Variants in MICU2 observed in about 807,000 individuals in gnomAD.
MICU2 encodes calcium uptake protein 2, mitochondrial.
Under a neutral mutation model 60.4 loss-of-function variants are expected in MICU2, and 64 were observed. The observed-to-expected ratio is 1.06, with a 90% confidence interval of 0.87 to 1.31. The LOEUF is 1.31. Among genes scored for constraint, MICU2 ranks in the 50% most tolerant of loss-of-function variants. MICU2 has a pLI of 0.00. For synonymous variants in MICU2, 201 were observed against 175.0 expected (o/e 1.15, Z -1.17); for missense variants, 569 against 531.0 (o/e 1.07, Z -0.70).
At chr13:21,517,803 G>GTA (rs1886615431) in intron 6 of MICU2, among the ~76,000 whole-genome samples, 2 of 74,978 alleles carry the variant, frequency 2.7e-5, no homozygotes, top group Non-Finnish European at 6.6e-5. Context: ...ACACACACGC[G>GTA]CGCGCGCGCG....
intron 11 of MICU2, among the ~76,000 whole-genome samples, chr13:21,493,638 C>A (rs771520549): frequency 6.6e-6 from 1 of 152,134 alleles, no homozygotes; most frequent in Non-Finnish European, 1.5e-5. Context: ...TCTCTTCTTT[C>A]ACATACTGGC....
chr13:21,521,911 G>T (rs181159291), intron 5 of MICU2, among the ~76,000 whole-genome samples: 249 of 152,216 alleles, frequency 1.6e-3, no homozygotes, highest in African/African-American at 5.7e-3. Context: ...ACAAGTAGTT[G>T]CGACTACAGG....
rs144620176 is a variant in MICU2 at position 21,577,708 on chromosome 13, G to A, written c.211-10764C>T. 5.1e-3 allele frequency among the ~76,000 whole-genome samples: 766 copies of A among 151,636 alleles called. 5 individuals carry two copies. Among genetic ancestry groups the A allele is most frequent in the African/African-American group, 0.017 (721 of 41,260 alleles). On this transcript the variant is annotated intron_variant, in intron 1 of 11. Transcript: ENST00000382374. ...TAATCCCAGCTACTTGGGAGGCTGAGGTGGAAGAATTGCTTGAACCCGGGA... is the reference window on the plus strand; with the variant it reads ...TAATCCCAGCTACTTGGGAGGCTGAAGTGGAAGAATTGCTTGAACCCGGGA...
chr13:21,550,877 A>G (rs111530546), intron 2 of MICU2, among the ~76,000 whole-genome samples: 2 of 152,208 alleles, frequency 1.3e-5, no homozygotes, highest in South Asian at 2.1e-4. Context: ...CACAGACACA[A>G]TACTACTAAG....
At chr13:21,593,819 G>A (rs1310527277) in intron 1 of MICU2, among the ~76,000 whole-genome samples, 2 of 152,126 alleles carry the variant, frequency 1.3e-5, no homozygotes, top group African/African-American at 4.8e-5. Flanking sequence ...TGGGAAAACT[G>A]GCTAGCCATA....
At chr13:21,531,308 A>G in intron 4 of MICU2, 1 of 1,572,762 alleles carries the variant, frequency 6.4e-7, no homozygotes, top group African/African-American at 1.4e-5. Context: ...ATGACTCACC[A>G]ACAAATGTAC....
At chr13:21,509,823 A>T (rs1220150666) in intron 8 of MICU2, among the ~76,000 whole-genome samples, 181 bp downstream of exon 8, 1 of 152,250 alleles carries the variant, frequency 6.6e-6, no homozygotes, top group Non-Finnish European at 1.5e-5. Flanking sequence ...TTTTGAGCAT[A>T]CTAATTTTAG....
chr13:21,568,018 A>G (rs1888024182), intron 1 of MICU2, among the ~76,000 whole-genome samples: 1 of 152,200 alleles, frequency 6.6e-6, no homozygotes, highest in African/African-American at 2.4e-5. Context: ...GTGAAATCCA[A>G]TAGCAGGCTT....
intron 2 of MICU2, among the ~76,000 whole-genome samples, chr13:21,548,614 A>C (rs957542262): frequency 3.3e-5 from 5 of 152,220 alleles, no homozygotes; most frequent in African/African-American, 1.2e-4. Context: ...TAGTTTACCC[A>C]AGGTTACAAC....
intron 8 of MICU2, among the ~76,000 whole-genome samples, chr13:21,504,459 G>A (rs1376946907): frequency 6.6e-6 from 1 of 152,016 alleles, no homozygotes; most frequent in Non-Finnish European, 1.5e-5. Context: ...TACATTGTCT[G>A]GATTAAGCTA....
At chr13:21,549,743 C>T (rs1377786778) in intron 2 of MICU2, among the ~76,000 whole-genome samples, 2 of 152,174 alleles carry the variant, frequency 1.3e-5, no homozygotes, top group African/African-American at 2.4e-5. Context: ...TTTCTCTCTT[C>T]CCAGTTCAGC....
At chr13:21,590,467 A>G (rs1457813909) in intron 1 of MICU2, among the ~76,000 whole-genome samples, 1 of 152,244 alleles carries the variant, frequency 6.6e-6, no homozygotes, top group African/African-American at 2.4e-5. Context: ...ATCTTGTTTA[A>G]AAATAAATCT....
chr13:21,603,860 A>C (rs2138085465), intron 1 of MICU2, 79 bp downstream of exon 1: 1 of 1,515,504 alleles, frequency 6.6e-7, no homozygotes, highest in Non-Finnish European at 9.0e-7. Context: ...AGCCGCCCAG[A>C]GCCAAACCAC....
intron 2 of MICU2, among the ~76,000 whole-genome samples, chr13:21,559,427 G>A (rs1226221204): frequency 1.3e-5 from 2 of 152,084 alleles, no homozygotes; most frequent in Non-Finnish European, 2.9e-5. Context: ...TGCATATAGA[G>A]TGTATATATA....
At chr13:21,525,305 G>A (rs1359733846) in intron 4 of MICU2, among the ~76,000 whole-genome samples, 1 of 142,758 alleles carries the variant, frequency 7.0e-6, no homozygotes, top group African/African-American at 2.6e-5. Context: ...CCATTCTCCT[G>A]CCTCAGCCTC....
At chr13:21,495,880 A>T in intron 10 of MICU2, 172 bp downstream of exon 10, 1 of 538,514 alleles carries the variant, frequency 1.9e-6, no homozygotes, top group Non-Finnish European at 3.2e-6. Context: ...TATAGAAAGT[A>T]ACCATTAAAC....
intron 4 of MICU2, among the ~76,000 whole-genome samples, chr13:21,535,731 G>C (rs899671795): frequency 6.6e-6 from 1 of 151,974 alleles, no homozygotes; most frequent in African/African-American, 2.4e-5. Context: ...CTTGCCCAAG[G>C]TTACACAGCT....
At chr13:21,583,096 A>G (rs1398431428) in intron 1 of MICU2, among the ~76,000 whole-genome samples, 1 of 152,216 alleles carries the variant, frequency 6.6e-6, no homozygotes, top group African/African-American at 2.4e-5. Context: ...ACAAAGTACT[A>G]GTTTAAAAAC....
intron 5 of MICU2, 35 bp from the exon 6 acceptor site, chr13:21,521,362 G>A: frequency 6.4e-7 from 1 of 1,557,760 alleles, no homozygotes. Flanking sequence ...TTTAAATGTT[G>A]ATGAAAACCA....
Sources: gnomAD v4.1 joint callset for allele counts (sites outside exome capture counted in the v4.1 genomes callset) on GRCh38, gnomAD v4.1.1 for gene constraint, MANE v1.5 for transcripts, NCBI Gene and HGNC (gene_info 2026-07-23, HGNC 2026-07-21) for gene names.